AGAP1: variants seen among roughly 807,000 people sequenced by gnomAD.
AGAP1 encodes the protein ArfGAP with GTPase domain, ankyrin repeat and PH domain 1.
In AGAP1, 29 loss-of-function variants were observed where a neutral mutation model predicts 105.3. The ratio of observed to expected loss-of-function variants is 0.28; its 90% CI spans 0.21 to 0.38. The LOEUF (loss-of-function observed/expected upper bound fraction) is 0.38, where lower values mean the gene tolerates loss of function less well. AGAP1 is among the 10% of genes least tolerant of loss of function. The pLI, the probability that AGAP1 is intolerant of heterozygous loss-of-function variation, is 1.00. For synonymous variants in AGAP1, 509 were observed against 485.9 expected (o/e 1.05, Z -0.63); for missense variants, 998 against 1,165.1 (o/e 0.86, Z 2.09).
In AGAP1 at chr2:235,700,596, T is replaced by A. The variant is rs547979269; in HGVS notation, c.164-8583T>A. 6.6e-6 allele frequency among the ~76,000 whole-genome samples: 1 copy of A among 151,998 alleles called. No individual in the cohort carries two copies. The highest frequency in any genetic ancestry group is 1.5e-5 in the Non-Finnish European group (1 of 68,002). ...AGGTGGATCATTTGAAGTCAGGAGT[T>A]CCAGACCAGCCTGGGGAACATGGCG... On this transcript the variant is annotated intron_variant, in intron 1 of 17. Transcript: ENST00000304032. The surrounding 1 kb of genome is among the most constrained non-coding windows in gnomAD (Gnocchi z 6.1).
chr2:235,907,018 AAAAAC>A lies in AGAP1; in HGVS notation c.1156-1705_1156-1701del, dbSNP rs141870680. ...GCAACAGAGTGAGACTCTTGTCTCA[AAAAAC>A]AAAACAAAACAAAAAGGTAGACAGC... is the stretch of plus-strand genomic sequence containing the variant. On this transcript the variant is annotated intron_variant, in intron 10 of 17. Coordinates refer to ENST00000304032, the MANE Select transcript of AGAP1 (RefSeq NM_001037131.3). Among the ~76,000 whole-genome samples the A allele has an allele frequency of 8.7e-3, 1,326 of 152,172 alleles. 14 individuals carry two copies. Among genetic ancestry groups the A allele is most frequent in the African/African-American group, 0.03 (1,261 of 41,492 alleles).
At chr2:236,063,165 C>G (rs2058251496) in intron 16 of AGAP1, among the ~76,000 whole-genome samples, 1 of 152,128 alleles carries the variant, frequency 6.6e-6, no homozygotes, top group Non-Finnish European at 1.5e-5. Flanking sequence ...ACAATCTCAG[C>G]TCACTGCAAC....
Position 235,747,556 on chromosome 2 carries a change from G to A in AGAP1, c.538+2717G>A, listed in dbSNP as rs986546509. ...GGGCCACCCCCAGATGAACCAGAAC[G>A]AAAAGTTGCAATCAGGGCTGTATTC... On this transcript the variant is annotated intron_variant, in intron 5 of 17. Coordinates refer to ENST00000304032, the MANE Select transcript of AGAP1 (RefSeq NM_001037131.3). The surrounding 1 kb of genome is among the most constrained non-coding windows in gnomAD (Gnocchi z 5.0). 2.0e-4 allele frequency among the ~76,000 whole-genome samples: 30 copies of A among 152,288 alleles called. No homozygotes were observed. Among genetic ancestry groups the A allele is most frequent in the Middle Eastern group, 3.4e-3 (1 of 294 alleles).
chr2:235,717,538 T>C lies in AGAP1; in HGVS notation c.223-19T>C, dbSNP rs781288734. 6.3e-7 allele frequency: 1 copy of C among 1,582,110 alleles called. No homozygotes were observed. Among genetic ancestry groups the C allele is most frequent in the Admixed American group, 2.0e-5 (1 of 50,094 alleles). On this transcript the variant is annotated intron_variant, in intron 2 of 17. Coordinates refer to ENST00000304032, the MANE Select transcript of AGAP1 (RefSeq NM_001037131.3). ...AGAGTGATTTGATGATGCTTAACGG[T>C]TGTCCGTTTCTGTTTCAGGGAATTG... is the stretch of plus-strand genomic sequence containing the variant.
At chr2:235,602,027 A>G (rs1336059606) in intron 1 of AGAP1, among the ~76,000 whole-genome samples, 1 of 152,108 alleles carries the variant, frequency 6.6e-6, no homozygotes, top group African/African-American at 2.4e-5. Context: ...AGCTCTCCAA[A>G]ATTCTCAGGA....
intron 2 of AGAP1, among the ~76,000 whole-genome samples, chr2:235,709,898 G>T (rs562567644): frequency 6.6e-6 from 1 of 152,126 alleles, no homozygotes; most frequent in Non-Finnish European, 1.5e-5. Flanking sequence ...GTTCTTTGTC[G>T]TGAAATATGT....
At chr2:235,520,819 G>T (rs1447903155) in intron 1 of AGAP1, among the ~76,000 whole-genome samples, 2 of 152,138 alleles carry the variant, frequency 1.3e-5, no homozygotes, top group African/African-American at 4.8e-5. Flanking sequence ...ATTAGTTTTA[G>T]ATCATTGTGA....
rs576541004 is a variant in AGAP1, at chr2:235,601,474, G to A, written c.163+106625G>A. Among the ~76,000 whole-genome samples the A allele has an allele frequency of 6.6e-6, 1 of 152,322 alleles. No homozygotes were observed. The highest frequency in any genetic ancestry group is 2.1e-4 in the South Asian group (1 of 4,820). ...ATGGCTGGGGAGGCCTCACAGTCAT[G>A]GCGGAAGGTGAATGAGGAGCAAAGT... On this transcript the variant is annotated intron_variant, in intron 1 of 17. Transcript: ENST00000304032. The surrounding 1 kb of genome is among the most constrained non-coding windows in gnomAD (Gnocchi z 4.4).
chr2:235,829,444 C>T (rs2106333701), intron 9 of AGAP1, among the ~76,000 whole-genome samples: 1 of 152,288 alleles, frequency 6.6e-6, no homozygotes, highest in Middle Eastern at 3.4e-3. Context: ...TCCTAAGAAC[C>T]CTGAGACCTT....
chr2:236,075,007 C>A (rs2084935), intron 16 of AGAP1, among the ~76,000 whole-genome samples: 57,944 of 152,010 alleles, frequency 0.38, 13,835 homozygotes, highest in Non-Finnish European at 0.52. Flanking sequence ...GAGCCAAGAT[C>A]ACTCCACTGC....
At chr2:235,627,520 C>G (rs767409445) in intron 1 of AGAP1, among the ~76,000 whole-genome samples, 1 of 152,024 alleles carries the variant, frequency 6.6e-6, no homozygotes, top group Non-Finnish European at 1.5e-5. Flanking sequence ...CCACGGCGCC[C>G]GGCTATTTTG....
Position 235,882,293 on chromosome 2 carries a change from C to T in AGAP1, c.1051-1052C>T, listed in dbSNP as rs953087939. The T allele has an allele frequency of 2.3e-5, 14 of 618,114 alleles. 1 individual carries two copies. In the South Asian group the frequency reaches 2.6e-4, roughly 11 times the overall value. 38.3% of individuals were successfully genotyped at this position (618,114 alleles called of 1,614,324 possible). On this transcript the variant is annotated intron_variant, in intron 9 of 17. Coordinates refer to ENST00000304032, the MANE Select transcript of AGAP1 (RefSeq NM_001037131.3). The surrounding 1 kb of genome is among the most constrained non-coding windows in gnomAD (Gnocchi z 4.6). ...CAGCTTGTGGCTCGTGTCCATCTTG[C>T]AGGTCGCTCTTCCTCCACATCACAA...
At chr2:235,884,293 G>C (rs1202957499) in intron 10 of AGAP1, among the ~76,000 whole-genome samples, 1 of 152,038 alleles carries the variant, frequency 6.6e-6, no homozygotes, top group Non-Finnish European at 1.5e-5. Context: ...AAATGGCATA[G>C]TATCTGCATA....
At chr2:236,071,782 G>A (rs1011807382) in intron 16 of AGAP1, among the ~76,000 whole-genome samples, 3 of 152,236 alleles carry the variant, frequency 2.0e-5, no homozygotes, top group Non-Finnish European at 4.4e-5. Context: ...TTGCTGGGGA[G>A]TTTCGCTGCT....
At chr2:235,673,688 G>A (rs1041313474) in intron 1 of AGAP1, among the ~76,000 whole-genome samples, 9 of 152,098 alleles carry the variant, frequency 5.9e-5, no homozygotes, top group Admixed American at 6.5e-5. Context: ...CTAAACTATC[G>A]TAGACCTGCA....
rs568669282 is a variant in AGAP1 at position 235,877,932 on chromosome 2, A to T, written c.1051-5413A>T. Reference sequence around the variant, plus strand: ...GAATCTTTCCTAATGCAAATCAGATAACCCCTTCCTCCCTCCACCCTGCAC... The same window carrying T: ...GAATCTTTCCTAATGCAAATCAGATTACCCCTTCCTCCCTCCACCCTGCAC... On this transcript the variant is annotated intron_variant, in intron 9 of 17. Coordinates refer to ENST00000304032, the MANE Select transcript of AGAP1 (RefSeq NM_001037131.3). This position sits in a 1 kb window ranked among gnomAD's most constrained non-coding sequence, Gnocchi z 4.3. 1.3e-5 allele frequency among the ~76,000 whole-genome samples: 2 copies of T among 152,306 alleles called. No individual in the cohort carries two copies. The highest frequency in any genetic ancestry group is 4.8e-5 in the African/African-American group (2 of 41,574).
intron 1 of AGAP1, among the ~76,000 whole-genome samples, chr2:235,704,153 C>T (rs1365756800): frequency 1.3e-5 from 2 of 152,224 alleles, no homozygotes; most frequent in Non-Finnish European, 2.9e-5. Flanking sequence ...GGGCTCATCT[C>T]TGAGGGCTGC....
chr2:235,785,412 A>T (rs1460082028), intron 6 of AGAP1, among the ~76,000 whole-genome samples: 1 of 152,202 alleles, frequency 6.6e-6, no homozygotes, highest in African/African-American at 2.4e-5. Context: ...CAATTATTGC[A>T]CTTAACTGGA....
rs10179883 is a variant in AGAP1 at position 235,609,134 on chromosome 2, A to T, written c.164-100045A>T. On this transcript the variant is annotated intron_variant, in intron 1 of 17. Coordinates refer to ENST00000304032, the MANE Select transcript of AGAP1 (RefSeq NM_001037131.3). The surrounding 1 kb of genome is among the most constrained non-coding windows in gnomAD (Gnocchi z 5.1). ...GATGAATTTGTTTCCTTCTTGCCTT[A>T]TTTTTGGCAGTTTTCTTTCTTGATG... 0.024 allele frequency among the ~76,000 whole-genome samples: 3,640 copies of T among 152,104 alleles called. 136 individuals are homozygous for T. Among genetic ancestry groups the T allele is most frequent in the African/African-American group, 0.084 (3,503 of 41,468 alleles).
Sources: gnomAD v4.1 joint callset for allele counts (sites outside exome capture counted in the v4.1 genomes callset) on GRCh38, gnomAD v4.1.1 for gene constraint, Gnocchi (gnomAD v3.1) non-coding constraint, MANE v1.5 for transcripts, NCBI Gene and HGNC (gene_info 2026-07-23, HGNC 2026-07-21) for gene names.